The following GEN1 variants were observed in gnomAD, a reference collection of about 807,000 sequenced individuals.
GEN1 encodes the protein GEN1 structure-specific endonuclease, also known as flap endonuclease GEN homolog 1.
A neutral mutation model predicts 67.6 loss-of-function variants in GEN1; 64 were observed. The observed-to-expected ratio is 0.95, with a 90% CI of 0.77 to 1.17. The LOEUF is 1.17. Among genes scored for constraint, GEN1 ranks in the 50% most tolerant of loss-of-function variants. The pLI is 0.00. For synonymous variants in GEN1, 371 were observed against 359.4 expected (o/e 1.03, Z -0.37); for missense variants, 1,058 against 1,048.3 (o/e 1.01, Z -0.13).
In GEN1 at chr2:17,781,110, C is replaced by T; in HGVS notation, c.1898C>T (p.Ser633Phe). 5 of 1,613,660 alleles carry T rather than the reference C, an allele frequency of 3.1e-6. No individual in the cohort carries two copies. Among genetic ancestry groups the T allele is most frequent in the Non-Finnish European group, 4.2e-6 (5 of 1,179,632 alleles). ...TTTGAAAATATCCCAGAACAACTGTCCTGTGAATCAGAAAGGTACACTGCA... is the reference window on the plus strand; with the variant it reads ...TTTGAAAATATCCCAGAACAACTGTTCTGTGAATCAGAAAGGTACACTGCA... ...DGFENIPEQL[S>F]CESERYTANI... The change falls in exon 14 of 14, where the codon TCC becomes TTC. Residue 633 changes from serine (S) to phenylalanine (F), a missense_variant. Ser to Phe is a radical substitution (Grantham distance 155, BLOSUM62 -2). Transcript: ENST00000381254.
At position 17,773,083 on chromosome 2, in the gene GEN1, A is replaced by ATT; in HGVS notation, c.954-5_954-4dup. 2.6e-6 allele frequency: 4 copies of ATT among 1,512,718 alleles called. No individual in the cohort carries two copies. The highest frequency in any genetic ancestry group is 3.7e-6 in the Non-Finnish European group (4 of 1,093,920). 93.7% of individuals were successfully genotyped at this position (1,512,718 alleles called of 1,614,324 possible). On this transcript the variant is annotated splice_polypyrimidine_tract_variant and intron_variant, in intron 8 of 13. Transcript: ENST00000381254. Reference sequence around the variant, plus strand: ...TGATTATAGTAATAACATGTATATAATTTTTTTTTCAGGAAAGCTTGCTGT... The same window carrying ATT: ...TGATTATAGTAATAACATGTATATAATTTTTTTTTTTCAGGAAAGCTTGCTGT...
Position 17,787,463 on chromosome 2 carries a change from CT to C in GEN1, c.*5525del, listed in dbSNP as rs1478531755. ...ACGTGGTCTTCTCTAAGAAAGTCTT[CT>C]GTTGCTTCTCTGGATCGCTGCTAGT... On this transcript the variant is annotated 3_prime_UTR_variant, in exon 14 of 14. Coordinates refer to ENST00000381254, the MANE Select transcript of GEN1 (RefSeq NM_001130009.3). 2.6e-5 allele frequency: 4 copies of C among 152,228 alleles called. No individual in the cohort carries two copies. Among genetic ancestry groups the C allele is most frequent in the Non-Finnish European group, 4.4e-5 (3 of 68,054 alleles). 9.4% of individuals were successfully genotyped at this position (152,228 alleles called of 1,614,324 possible).
Position 17,785,671 on chromosome 2 carries a change from A to C in GEN1, c.*3732A>C, listed in dbSNP as rs1464767311. The C allele has an allele frequency of 1.3e-5, 2 of 152,148 alleles. No homozygotes were observed. The highest frequency in any genetic ancestry group is 4.8e-5 in the African/African-American group (2 of 41,414). The allele number at this position is 152,148 out of a possible 1,614,324, so 9.4% of individuals were successfully genotyped here. On this transcript the variant is annotated 3_prime_UTR_variant, in exon 14 of 14. Transcript: ENST00000381254. ...CACGCTGGGAGGCTGAGGCGGGTGG[A>C]TTGCTTGAGGCCAGGAGTTCAAGAC...
chr2:17,777,868 A>G, intron 11 of GEN1, 134 bp from the exon 12 acceptor site: 1 of 527,134 alleles, frequency 1.9e-6, no homozygotes. Context: ...TAAACTAGTC[A>G]AAGGAATAGG....
chr2:17,778,130 GTA>G, intron 12 of GEN1, 67 bp downstream of exon 12: 1 of 666,616 alleles, frequency 1.5e-6, no homozygotes, highest in South Asian at 1.5e-5. Flanking sequence ...AGTAAATATT[GTA>G]TATGTGTATA....
In GEN1 at chr2:17,786,880, C is replaced by G. The variant is rs558936056; in HGVS notation, c.*4941C>G. 6.6e-6 allele frequency: 1 copy of G among 152,212 alleles called. No homozygotes were observed. Among genetic ancestry groups the G allele is most frequent in the Non-Finnish European group, 1.5e-5 (1 of 68,084 alleles). 9.4% of individuals were successfully genotyped at this position (152,212 alleles called of 1,614,324 possible). ...ATGCATGAATGACAATTCTCCACAA[C>G]GCCCCACCCATGGAGCCTGTACCAG... is the stretch of plus-strand genomic sequence containing the variant. On this transcript the variant is annotated 3_prime_UTR_variant, in exon 14 of 14. Coordinates refer to ENST00000381254, the MANE Select transcript of GEN1 (RefSeq NM_001130009.3).
At chr2:17,768,661 C>G in intron 5 of GEN1, 77 bp from the exon 6 acceptor site, 3 of 1,066,858 alleles carry the variant, frequency 2.8e-6, no homozygotes, top group South Asian at 1.4e-5. Flanking sequence ...GCTGCTGACT[C>G]TTCCGTTCAA....
In GEN1 at chr2:17,784,806, G is replaced by C. The variant is rs1673000196; in HGVS notation, c.*2867G>C. On this transcript the variant is annotated 3_prime_UTR_variant, in exon 14 of 14. Transcript: ENST00000381254. ...AGACCAGGTAAATAAAATATCTAGAGGCATTCTTGAGATTGTATGAGATGA... is the reference window on the plus strand; with the variant it reads ...AGACCAGGTAAATAAAATATCTAGACGCATTCTTGAGATTGTATGAGATGA... 1 of 152,214 alleles carries C rather than the reference G, an allele frequency of 6.6e-6. No individual in the cohort carries two copies. The highest frequency in any genetic ancestry group is 6.5e-5 in the Admixed American group (1 of 15,282). 9.4% of individuals were successfully genotyped at this position (152,214 alleles called of 1,614,324 possible). A position where few individuals can be genotyped will look rare whatever the true frequency, so the allele number is the denominator to read the frequency against.
At chr2:17,765,948 AATATAT>A (rs10607623) in intron 4 of GEN1, among the ~76,000 whole-genome samples, 1 of 148,970 alleles carries the variant, frequency 6.7e-6, no homozygotes, top group Admixed American at 6.7e-5. Context: ...TACTTTCTAT[AATATAT>A]ATATATATAT....
At chr2:17,778,289 C>CATAT (rs1338129301) in intron 12 of GEN1, among the ~76,000 whole-genome samples, 1 of 90,452 alleles carries the variant, frequency 1.1e-5, no homozygotes, top group African/African-American at 5.9e-5. Flanking sequence ...TATACACACA[C>CATAT]ATGTGTGTGT....
In GEN1 at chr2:17,781,954, AGGT is replaced by A. The variant is rs748461941; in HGVS notation, c.*16_*18del. ...AAAGCACTTGAAATTTAAAACACTT[AGGT>A]ATAACTTAACTATTTTAGTACTATC... On this transcript the variant is annotated 3_prime_UTR_variant, in exon 14 of 14. Transcript: ENST00000381254. 12 of 1,380,480 alleles carry A rather than the reference AGGT, an allele frequency of 8.7e-6. No homozygotes were observed. In the East Asian group the frequency reaches 2.8e-4, roughly 32 times the overall value. 85.5% of individuals were successfully genotyped at this position (1,380,480 alleles called of 1,614,324 possible). A position where few individuals can be genotyped will look rare whatever the true frequency, so the allele number is the denominator to read the frequency against.
chr2:17,781,155 A>G lies in GEN1; in HGVS notation c.1943A>G (p.Asp648Gly). 1 of 1,613,952 alleles carries G rather than the reference A, an allele frequency of 6.2e-7. No homozygotes were observed. The highest frequency in any genetic ancestry group is 8.5e-7 in the Non-Finnish European group (1 of 1,179,876). ...ACTGCAAACATAAAGAAAGTGTTGGATGAGGATTCTGATGGGATTAGTCCT... is the reference window on the plus strand; with the variant it reads ...ACTGCAAACATAAAGAAAGTGTTGGGTGAGGATTCTGATGGGATTAGTCCT... ...RYTANIKKVL[D>G]EDSDGISPEE... The change falls in exon 14 of 14, where the codon GAT becomes GGT. Residue 648 changes from aspartate to glycine, a missense_variant. Asp to Gly is a moderately conservative substitution (Grantham distance 94, BLOSUM62 -1). Transcript: ENST00000381254.
chr2:17,761,292 A>C, intron 2 of GEN1, 104 bp from the exon 3 acceptor site: 1 of 629,044 alleles, frequency 1.6e-6, no homozygotes, highest in East Asian at 2.9e-5. Flanking sequence ...TTATTACATT[A>C]ACGTTTTTGA....
chr2:17,769,343 G>C (rs1672078840), intron 6 of GEN1, among the ~76,000 whole-genome samples: 1 of 151,024 alleles, frequency 6.6e-6, no homozygotes, highest in Non-Finnish European at 1.5e-5. Flanking sequence ...TTCCCAAAGT[G>C]TTAGGATTAC....
intron 1 of GEN1, among the ~76,000 whole-genome samples, chr2:17,757,103 A>G (rs1434173175): frequency 6.6e-6 from 1 of 152,216 alleles, no homozygotes; most frequent in African/African-American, 2.4e-5. Context: ...TCTTTAAACC[A>G]GGTTTGTTTC....
At chr2:17,770,110 A>C (rs1672116092) in intron 6 of GEN1, among the ~76,000 whole-genome samples, 1 of 152,206 alleles carries the variant, frequency 6.6e-6, no homozygotes, top group Non-Finnish European at 1.5e-5. Flanking sequence ...GGTGTGAGTT[A>C]AGGAATCATT....
chr2:17,769,400 C>CT (rs1165396972), intron 6 of GEN1, among the ~76,000 whole-genome samples: 2 of 152,186 alleles, frequency 1.3e-5, no homozygotes, highest in Non-Finnish European at 1.5e-5. Context: ...TTTAAAAAAT[C>CT]TATTATTAGC....
Position 17,766,630 on chromosome 2 carries a change from T to G in GEN1, c.577T>G (p.Leu193Val). The G allele has an allele frequency of 6.2e-7, 1 of 1,610,638 alleles. No individual in the cohort carries two copies. Among genetic ancestry groups the G allele is most frequent in the Non-Finnish European group, 8.5e-7 (1 of 1,177,090 alleles). The change falls in exon 5 of 14, where the codon TTG (leucine) becomes GTG (valine). Residue 193 changes from leucine (L) to valine (V), a missense_variant. By Grantham distance (32) the Leu-to-Val change is conservative. Transcript: ENST00000381254. ...TMSSIKSKLG[L>V]DRDALVGLAI... ...GTCATCTATCAAGAGTAAACTAGGT[T>G]TGGATAGAGATGCTCTGGTTGGATT...
chr2:17,757,564 A>C (rs1671490520), intron 1 of GEN1, among the ~76,000 whole-genome samples: 1 of 152,178 alleles, frequency 6.6e-6, no homozygotes, highest in South Asian at 2.1e-4. Context: ...CAGGGTAGGA[A>C]TGTTGAACCT....
Sources: allele counts gnomAD v4.1 joint callset (sites outside exome capture counted in the v4.1 genomes callset), GRCh38; gene constraint gnomAD v4.1.1; transcripts MANE v1.5; gene names NCBI Gene and HGNC (gene_info 2026-07-23, HGNC 2026-07-21).